The following FOXP2 variants were observed in gnomAD, a reference collection of about 807,000 sequenced individuals.
FOXP2 encodes forkhead box P2, also known as forkhead box protein P2.
A neutral mutation model predicts 115.8 loss-of-function variants in FOXP2; 12 were observed. The ratio of observed to expected loss-of-function variants is 0.10; its 90% CI spans 0.07 to 0.17. FOXP2 has a LOEUF of 0.17. Ranked by LOEUF, FOXP2 falls within the 10% of genes least tolerant of loss-of-function variation. FOXP2 has a pLI of 1.00. For missense variants in FOXP2, 629 were observed against 843.5 expected (o/e 0.75, Z 3.15); for synonymous variants, 328 against 297.7 (o/e 1.10, Z -1.05).
At chr7:114,575,865 A>G (rs7811907) in intron 3 of FOXP2, among the ~76,000 whole-genome samples, 29,614 of 151,820 alleles carry the variant, frequency 0.2, 3,735 homozygotes, top group African/African-American at 0.36. Context: ...GCTGAAAACA[A>G]TTAACCAAGG....
chr7:114,297,415 T>G (rs536923606), intron 2 of FOXP2: 5 of 595,880 alleles, frequency 8.4e-6, no homozygotes, highest in Non-Finnish European at 1.2e-5. Flanking sequence ...GTCATAGGGG[T>G]AGCCCAGAGC....
At chr7:114,326,241 G>A (rs939178791) in intron 2 of FOXP2, among the ~76,000 whole-genome samples, 1 of 151,996 alleles carries the variant, frequency 6.6e-6, no homozygotes, top group Non-Finnish European at 1.5e-5. Flanking sequence ...AGAGTACAAA[G>A]TTTGTACTCT....
chr7:114,675,781 T>C (rs954065301), intron 16 of FOXP2, among the ~76,000 whole-genome samples: 1 of 152,168 alleles, frequency 6.6e-6, no homozygotes, highest in Non-Finnish European at 1.5e-5. Context: ...GGGGAACATA[T>C]GACTATAGAA....
upstream of FOXP2, among the ~76,000 whole-genome samples, chr7:114,160,485 A>G (rs1792798988): frequency 6.6e-6 from 1 of 152,152 alleles, no homozygotes; most frequent in Admixed American, 6.6e-5. Flanking sequence ...TTGGTGACTT[A>G]AATGTTTATT....
chr7:114,611,091 G>A (rs543096112), intron 3 of FOXP2, among the ~76,000 whole-genome samples: 1 of 152,216 alleles, frequency 6.6e-6, no homozygotes, highest in South Asian at 2.1e-4. Flanking sequence ...AGTTATTCAG[G>A]AGTAATCAAA....
Position 114,119,294 on chromosome 7 carries a change from A to G in FOXP2, c.-247+31456A>G, listed in dbSNP as rs373203728. ...TCATGCTCACAAAACGGGCAGCTGG[A>G]ATTACCAATATTTTCTGGCAGAATG... On this transcript the variant is annotated intron_variant, in intron 1 of 19. Coordinates refer to the FOXP2 transcript ENST00000635638. 2.6e-5 allele frequency among the ~76,000 whole-genome samples: 4 copies of G among 152,124 alleles called. No individual in the cohort carries two copies. In the East Asian group the frequency reaches 7.7e-4, roughly 29 times the overall value.
chr7:114,254,725 G>T (rs1562839168), intron 1 of FOXP2, among the ~76,000 whole-genome samples: 1 of 152,146 alleles, frequency 6.6e-6, no homozygotes, highest in Admixed American at 6.5e-5. Context: ...TAGCTTCTTT[G>T]TGATGCATTC....
chr7:114,196,159 G>C (rs979518442), intron 1 of FOXP2, among the ~76,000 whole-genome samples: 1 of 151,908 alleles, frequency 6.6e-6, no homozygotes, highest in Non-Finnish European at 1.5e-5. Context: ...ACTAGGGCGC[G>C]CGTCACCACG....
intron 1 of FOXP2, among the ~76,000 whole-genome samples, chr7:114,247,992 AT>A (rs1049999548): frequency 1.4e-4 from 22 of 152,108 alleles, no homozygotes; most frequent in African/African-American, 1.9e-4. Flanking sequence ...TGAGAGATTG[AT>A]TTACTATAAA....
chr7:114,455,019 T>TA (rs566963191), intron 2 of FOXP2, among the ~76,000 whole-genome samples: 79 of 145,512 alleles, frequency 5.4e-4, no homozygotes, highest in East Asian at 1.4e-3. Context: ...TAAAGTATAA[T>TA]AAAAAAAAAA....
chr7:114,213,502 A>G (rs1794409588), intron 1 of FOXP2, among the ~76,000 whole-genome samples: 1 of 152,200 alleles, frequency 6.6e-6, no homozygotes, highest in South Asian at 2.1e-4. Flanking sequence ...TTCTTATTTG[A>G]CCTACATAAT....
chr7:114,378,701 A>AAAAAAAAAAAAG (rs1554380027), intron 2 of FOXP2, among the ~76,000 whole-genome samples: 2,126 of 106,092 alleles, frequency 0.02, 105 homozygotes, highest in Non-Finnish European at 0.026. Context: ...AAAAAAAAAA[A>AAAAAAAAAAAAG]GGAAAAGAAA....
intron 1 of FOXP2, among the ~76,000 whole-genome samples, chr7:114,132,305 A>C (rs990854141): frequency 2.0e-5 from 3 of 152,086 alleles, no homozygotes; most frequent in Non-Finnish European, 4.4e-5. Flanking sequence ...CAGTTGCCCA[A>C]GCCAGAAACT....
At chr7:114,625,375 G>A (rs1038716197) in intron 3 of FOXP2, among the ~76,000 whole-genome samples, 11 of 151,666 alleles carry the variant, frequency 7.3e-5, no homozygotes, top group Admixed American at 4.6e-4. Flanking sequence ...TAGAATATTT[G>A]CATGAATCAA....
rs567680830 is a variant in FOXP2, at chr7:114,532,473, C to T, written c.169-2144C>T. ...TTGACAGAACAGAAACAGTATGGCA[C>T]ACTGGAATACACTCAGGCCTGGAAG... On this transcript the variant is annotated intron_variant, in intron 2 of 16. Transcript: ENST00000350908. Among the ~76,000 whole-genome samples, 179 of 151,954 alleles carry T rather than the reference C, an allele frequency of 1.2e-3. 1 individual carries two copies. The highest frequency in any genetic ancestry group is 4.2e-3 in the African/African-American group (174 of 41,504).
chr7:114,601,120 C>A (rs1803001917), intron 3 of FOXP2, among the ~76,000 whole-genome samples: 1 of 152,088 alleles, frequency 6.6e-6, no homozygotes, highest in Non-Finnish European at 1.5e-5. Flanking sequence ...TGTGCACCAG[C>A]ACAACCAGCT....
chr7:114,495,703 C>T (rs377608003), intron 2 of FOXP2, among the ~76,000 whole-genome samples: 8 of 151,682 alleles, frequency 5.3e-5, no homozygotes, highest in East Asian at 1.9e-4. Flanking sequence ...GACAGGTTTT[C>T]GCCATGTTGG....
rs1806430473 is a variant in FOXP2 at position 114,653,945 on chromosome 7, G to A, written c.1202G>A (p.Arg401His). 1 of 1,613,050 alleles carries A rather than the reference G, an allele frequency of 6.2e-7. No homozygotes were observed. The highest frequency in any genetic ancestry group is 8.5e-7 in the Non-Finnish European group (1 of 1,179,304). Residue 401 changes from arginine to histidine, a missense_variant, in exon 10 of 17, where the codon CGT (arginine) becomes CAT (histidine). This residue lies in a region of FOXP2 where 24 missense variants were observed against 76.3 expected (regional missense o/e 0.31). Transcript: ENST00000350908. ...TAACAGCTTTCTAAAGAACGCGAAC[G>A]TCTTCAAGCAATGATGACCCACTTG... ...LEIQLSKERE[R>H]LQAMMTHLHM...
At position 114,629,918 on chromosome 7, in the gene FOXP2, A is replaced by ACAACAACAACAACAGCAG; in HGVS notation, c.519_536dup (p.Gln186_Gln191dup). On this transcript the variant is annotated inframe_insertion, in exon 5 of 17. Coordinates refer to ENST00000350908, the MANE Select transcript of FOXP2 (RefSeq NM_014491.4). Reference sequence around the variant, plus strand: ...AACAGCAGCAACAACAGCAGCAGCAACAACAACAACAACAGCAGCAACAAC... The same window carrying ACAACAACAACAACAGCAG: ...AACAGCAGCAACAACAGCAGCAGCAACAACAACAACAACAGCAGCAACAACAACAACAGCAGCAACAAC... The ACAACAACAACAACAGCAG allele has an allele frequency of 1.3e-6, 2 of 1,590,150 alleles. No individual in the cohort carries two copies.
Sources: allele counts gnomAD v4.1 joint callset (sites outside exome capture counted in the v4.1 genomes callset), GRCh38; gene constraint gnomAD v4.1.1; regional missense constraint gnomAD v4.1.1; transcripts MANE v1.5; gene names NCBI Gene and HGNC (gene_info 2026-07-23, HGNC 2026-07-21).